PRKN: variants seen among roughly 807,000 people sequenced by gnomAD.
The protein encoded by PRKN is parkin RBR E3 ubiquitin protein ligase.
PRKN carries 56 observed loss-of-function variants against 59.5 expected under a neutral mutation model. The observed-to-expected ratio is 0.94, with a 90% CI of 0.76 to 1.18. The LOEUF (loss-of-function observed/expected upper bound fraction) is 1.18, where lower values mean the gene tolerates loss of function less well. Among genes scored for constraint, PRKN ranks in the 50% most tolerant of loss-of-function variants. PRKN has a pLI of 0.00. For synonymous variants in PRKN, 250 were observed against 222.1 expected, an observed-to-expected ratio of 1.13 and a Z score of -1.12; for missense variants, 657 against 596.4, an observed-to-expected ratio of 1.10 and a Z score of -1.06.
At chr6:162,594,247 TGCATACTTTAAGTA>T (rs1216649320) in intron 1 of PRKN, among the ~76,000 whole-genome samples, 1 of 151,964 alleles carries the variant, frequency 6.6e-6, no homozygotes, top group Non-Finnish European at 1.5e-5. Flanking sequence ...ACATGCCCTT[TGCATACTTTAAGTA>T]CAATTAACAG....
At chr6:161,744,066 A>G (rs1188672208) in intron 7 of PRKN, among the ~76,000 whole-genome samples, 1 of 152,176 alleles carries the variant, frequency 6.6e-6, no homozygotes, top group African/African-American at 2.4e-5. Flanking sequence ...CAGAGATCAT[A>G]GAAGAGTAGA....
intron 3 of PRKN, among the ~76,000 whole-genome samples, chr6:162,241,760 T>C (rs565596052): frequency 2.6e-5 from 4 of 152,144 alleles, no homozygotes; most frequent in Non-Finnish European, 5.9e-5. Flanking sequence ...ATACAGGCTA[T>C]TGAATTCTAT....
chr6:161,608,538 A>T (rs1213830211), intron 7 of PRKN, among the ~76,000 whole-genome samples: 1 of 144,984 alleles, frequency 6.9e-6, no homozygotes, highest in African/African-American at 2.5e-5. Context: ...ACTATATTTA[A>T]TTTTTTTTTT....
chr6:162,639,633 G>A (rs570687668), intron 1 of PRKN, among the ~76,000 whole-genome samples: 1 of 152,140 alleles, frequency 6.6e-6, no homozygotes, highest in South Asian at 2.1e-4. Context: ...CAAAGCAACA[G>A]AAAATCAAAG....
intron 7 of PRKN, among the ~76,000 whole-genome samples, chr6:161,783,968 TATA>T (rs541961292): frequency 1.2e-4 from 19 of 152,338 alleles, no homozygotes; most frequent in African/African-American, 4.3e-4. Context: ...ATTTTTCAGC[TATA>T]ATTGACATTA....
At chr6:162,602,675 G>C (rs1781758114) in intron 1 of PRKN, among the ~76,000 whole-genome samples, 1 of 152,182 alleles carries the variant, frequency 6.6e-6, no homozygotes, top group African/African-American at 2.4e-5. Flanking sequence ...GGGCTAGAAA[G>C]TGAAAACCCA....
chr6:162,123,654 C>T (rs1342117834), intron 4 of PRKN, among the ~76,000 whole-genome samples: 1 of 151,966 alleles, frequency 6.6e-6, no homozygotes, highest in Admixed American at 6.6e-5. Context: ...TCAGGAGAGG[C>T]CAAGAGAGTG....
intron 6 of PRKN, among the ~76,000 whole-genome samples, chr6:161,936,251 C>G (rs1779352919): frequency 6.6e-6 from 1 of 151,226 alleles, no homozygotes; most frequent in Non-Finnish European, 1.5e-5. Context: ...GCTCTGTCAC[C>G]CAGGCTGGAG....
intron 2 of PRKN, among the ~76,000 whole-genome samples, chr6:162,332,839 C>T (rs568191335): frequency 6.6e-6 from 1 of 152,228 alleles, no homozygotes; most frequent in African/African-American, 2.4e-5. Flanking sequence ...CCACCACCAA[C>T]ACTTCCACTG....
intron 1 of PRKN, among the ~76,000 whole-genome samples, chr6:162,465,621 T>C (rs1791376549): frequency 6.6e-6 from 1 of 152,186 alleles, no homozygotes. Context: ...GTAATTTCTT[T>C]AGCAATTTCA....
At chr6:162,464,424 T>C (rs1447597518) in intron 1 of PRKN, among the ~76,000 whole-genome samples, 2 of 152,082 alleles carry the variant, frequency 1.3e-5, no homozygotes, top group African/African-American at 4.8e-5. Flanking sequence ...TAAGGAAAAA[T>C]TGAACTTTGA....
At chr6:161,520,621 A>G (rs892323275) in intron 9 of PRKN, among the ~76,000 whole-genome samples, 2 of 152,232 alleles carry the variant, frequency 1.3e-5, no homozygotes, top group Non-Finnish European at 2.9e-5. Context: ...AATATCAACA[A>G]AGAGGATACA....
At chr6:162,266,667 A>AATTTGGT (rs1780151659) in intron 2 of PRKN, among the ~76,000 whole-genome samples, 1 of 152,160 alleles carries the variant, frequency 6.6e-6, no homozygotes, top group Non-Finnish European at 1.5e-5. Context: ...AATTTTGGCA[A>AATTTGGT]ATGATTCTTC....
chr6:162,107,062 G>A (rs1413570372), intron 4 of PRKN, among the ~76,000 whole-genome samples: 3 of 152,206 alleles, frequency 2.0e-5, no homozygotes, highest in African/African-American at 4.8e-5. Context: ...ACTCAGAGGT[G>A]AGCGTAGGGT....
rs1791555189 is a variant in PRKN at position 161,484,360 on chromosome 6, A to G, written c.1083+64494T>C. Among the ~76,000 whole-genome samples the G allele has an allele frequency of 1.3e-5, 2 of 152,108 alleles. No individual in the cohort carries two copies. Among genetic ancestry groups the G allele is most frequent in the Admixed American group, 1.3e-4 (2 of 15,256 alleles). On this transcript the variant is annotated intron_variant, in intron 9 of 11. Coordinates refer to ENST00000366898, the MANE Select transcript of PRKN (RefSeq NM_004562.3). This position sits in a 1 kb window ranked among gnomAD's most constrained non-coding sequence, Gnocchi z 4.9. ...TAGATGGGCCATCCAGCCTGAAGAAAGCCTTTCTTGTTGCTGCTATTTGTA... is the reference window on the plus strand; with the variant it reads ...TAGATGGGCCATCCAGCCTGAAGAAGGCCTTTCTTGTTGCTGCTATTTGTA...
chr6:162,431,739 C>T (rs1435160605), intron 2 of PRKN, among the ~76,000 whole-genome samples: 3 of 152,170 alleles, frequency 2.0e-5, no homozygotes, highest in Non-Finnish European at 2.9e-5. Flanking sequence ...AGATGGTCCA[C>T]TACATTCCTC....
intron 6 of PRKN, among the ~76,000 whole-genome samples, chr6:161,868,075 C>G (rs1298387373): frequency 6.6e-6 from 1 of 151,534 alleles, no homozygotes; most frequent in East Asian, 2.0e-4. Context: ...CTTTTAATTT[C>G]TTTAATCCCA....
intron 1 of PRKN, among the ~76,000 whole-genome samples, chr6:162,538,383 C>T (rs1403089310): frequency 6.6e-6 from 1 of 151,758 alleles, no homozygotes; most frequent in Non-Finnish European, 1.5e-5. Context: ...GGTGACAGAG[C>T]CAAACTCTGT....
Position 162,201,189 on chromosome 6 carries a change from G to T in PRKN, c.476C>A (p.Pro159Gln). Residue 159 changes from proline (P) to glutamine (Q), a missense_variant, in exon 4 of 12, where the codon CCG (proline) becomes CAG (glutamine). Pro to Gln is a moderately conservative substitution (Grantham distance 76, BLOSUM62 -1). Transcript: ENST00000366898. ...GCTGCACTGTACCCTGAGTTTTCCC[G>T]GCTGCACTCTTTGACAGGGGCCTTT... ...YCKGPCQRVQ[P>Q]GKLRVQCSTC... 1.2e-6 allele frequency: 2 copies of T among 1,613,940 alleles called. No individual in the cohort carries two copies. The highest frequency in any genetic ancestry group is 1.7e-6 in the Non-Finnish European group (2 of 1,179,882).
Sources: allele counts gnomAD v4.1 joint callset (sites outside exome capture counted in the v4.1 genomes callset), GRCh38; gene constraint gnomAD v4.1.1; non-coding constraint Gnocchi (gnomAD v3.1); transcripts MANE v1.5; gene names NCBI Gene and HGNC (gene_info 2026-07-23, HGNC 2026-07-21).